The following SRCIN1 variants were observed in gnomAD, a reference collection of about 807,000 sequenced individuals.
The protein encoded by SRCIN1 is P130Cas-associated protein.
Under a neutral mutation model 116.2 loss-of-function variants are expected in SRCIN1, and 50 were observed. The ratio of observed to expected loss-of-function variants is 0.43; its 90% CI spans 0.34 to 0.54. The LOEUF (loss-of-function observed/expected upper bound fraction) is 0.54. Among genes scored for constraint, SRCIN1 ranks in the 20% least tolerant of loss-of-function variants. The probability of loss-of-function intolerance (pLI) is 0.02; values close to 1 mark genes in which losing one functional copy is unlikely to be tolerated. For missense variants in SRCIN1, 1,446 were observed against 1,672.0 expected (o/e 0.86, Z 2.36); for synonymous variants, 736 against 750.0 (o/e 0.98, Z 0.30).
At position 38,552,015 on chromosome 17, in the gene SRCIN1, G is replaced by T. The variant is rs1363225929; in HGVS notation, c.2598C>A (p.Ser866Arg). The stretch of plus-strand genomic sequence containing the variant: ...TCAGCTCATGCAGGTTCAGCGGGGG[G>T]CTGGGGGGTGGCATTTCGAAGTCCA... Reference protein sequence around the residue: ...KSVDFEMPPPSPPLNLHELSG... With the variant: ...KSVDFEMPPPRPPLNLHELSG... The change falls in exon 14 of 19, where the codon AGC (serine) becomes AGA (arginine). Residue 866 changes from serine to arginine, a missense_variant. Physicochemically the swap from Ser to Arg is moderately radical, Grantham distance 110 (BLOSUM62 -1). Transcript: ENST00000617146. This position sits in a 1 kb window ranked among gnomAD's most constrained non-coding sequence, Gnocchi z 5.3. 6.2e-7 allele frequency: 1 copy of T among 1,613,830 alleles called. No homozygotes were observed. The highest frequency in any genetic ancestry group is 1.3e-5 in the African/African-American group (1 of 74,946).
chr17:38,552,923 G>T lies in SRCIN1; in HGVS notation c.2202-68C>A. 6.4e-7 allele frequency: 1 copy of T among 1,553,476 alleles called. No individual in the cohort carries two copies. Among genetic ancestry groups the T allele is most frequent in the South Asian group, 1.2e-5 (1 of 81,904 alleles). On this transcript the variant is annotated intron_variant, in intron 11 of 18. Transcript: ENST00000617146. This position sits in a 1 kb window ranked among gnomAD's most constrained non-coding sequence, Gnocchi z 5.3. ...TGCCAGCCCAGCCCCCTGAAATTGG[G>T]CAACTGGAAAGAAATCAGGCCACCA... is the stretch of plus-strand genomic sequence containing the variant.
chr17:38,599,975 G>T (rs1043371415), intron 1 of SRCIN1, among the ~76,000 whole-genome samples: 1 of 152,168 alleles, frequency 6.6e-6, no homozygotes, highest in Non-Finnish European at 1.5e-5. Flanking sequence ...CCTCATAATT[G>T]ATTGTTTATT....
chr17:38,530,537 CG>C lies in SRCIN1; in HGVS notation c.*2759del. 1 of 152,664 alleles carries C rather than the reference CG, an allele frequency of 6.6e-6. No individual in the cohort carries two copies. The highest frequency in any genetic ancestry group is 1.5e-5 in the Non-Finnish European group (1 of 68,368). The allele number at this position is 152,664 out of a possible 1,614,324, so 9.5% of individuals were successfully genotyped here. ...GTGCTGCAGGCTGTGAGAGGGCCAG[CG>C]GGGACGGGGGCTCAGGAAGGGATCT... is the stretch of plus-strand genomic sequence containing the variant. On this transcript the variant is annotated 3_prime_UTR_variant, in exon 19 of 19. Coordinates refer to ENST00000617146, the MANE Select transcript of SRCIN1 (RefSeq NM_025248.3).
chr17:38,593,677 T>C (rs1324400790), intron 1 of SRCIN1, among the ~76,000 whole-genome samples: 1 of 152,182 alleles, frequency 6.6e-6, no homozygotes, highest in Non-Finnish European at 1.5e-5. Flanking sequence ...CAATAAATAC[T>C]GGCCATCAGT....
chr17:38,589,866 T>A lies in SRCIN1; in HGVS notation c.23-11075A>T, dbSNP rs1489705595. ...TCTCTCCCTAGGGACACCCTGTTAG[T>A]ATCCCGAGAGACTCTGGAGGATGGG... On this transcript the variant is annotated intron_variant, in intron 1 of 18. Transcript: ENST00000617146. 3.9e-5 allele frequency among the ~76,000 whole-genome samples: 6 copies of A among 152,286 alleles called. No homozygotes were observed. In the East Asian group the frequency reaches 1.2e-3, roughly 29 times the overall value.
chr17:38,570,903 A>T (rs529465593), intron 2 of SRCIN1, among the ~76,000 whole-genome samples: 235 of 152,348 alleles, frequency 1.5e-3, no homozygotes, highest in African/African-American at 5.2e-3. Context: ...GATGCATGAG[A>T]GATGTTGAGA....
chr17:38,586,281 TCC>T (rs1420221341), intron 1 of SRCIN1, among the ~76,000 whole-genome samples: 3 of 151,958 alleles, frequency 2.0e-5, no homozygotes, highest in African/African-American at 7.3e-5. Flanking sequence ...ATCGAGGCCA[TCC>T]CCCCAGCGTG....
chr17:38,575,008 G>C (rs1299921423), intron 2 of SRCIN1: 1 of 400,638 alleles, frequency 2.5e-6, no homozygotes, highest in African/African-American at 2.1e-5. Flanking sequence ...CCCCATTAGG[G>C]GAAGCGGGCA....
intron 16 of SRCIN1, 80 bp downstream of exon 16, chr17:38,548,976 C>A: frequency 6.7e-7 from 1 of 1,494,782 alleles, no homozygotes; most frequent in Non-Finnish European, 9.0e-7. Flanking sequence ...CTCTTTCCCA[C>A]CCCAGAGGGC....
intron 1 of SRCIN1, among the ~76,000 whole-genome samples, chr17:38,595,496 G>A (rs1029746766): frequency 1.3e-5 from 2 of 152,310 alleles, no homozygotes; most frequent in East Asian, 1.9e-4. Context: ...GATTACAGGC[G>A]TGAGCCACCG....
intron 9 of SRCIN1, 38 bp downstream of exon 9, chr17:38,560,016 G>A (rs778261229): frequency 4.6e-6 from 7 of 1,505,402 alleles, no homozygotes; most frequent in African/African-American, 4.1e-5. Flanking sequence ...AAACAGGCTC[G>A]GAGAGAACAA....
chr17:38,550,512 A>C lies in SRCIN1; in HGVS notation c.2962+643T>G, dbSNP rs188007887. On this transcript the variant is annotated intron_variant, in intron 15 of 18. Coordinates refer to ENST00000617146, the MANE Select transcript of SRCIN1 (RefSeq NM_025248.3). ...CCGTCTCAAAAACAATAAATAAATA[A>C]AAAATAAAAATAAAATTATAAGGAT... Among the ~76,000 whole-genome samples the C allele has an allele frequency of 8.5e-5, 13 of 152,102 alleles. 1 individual carries two copies. The East Asian group carries it at 2.3e-3, about 27-fold the overall frequency.
rs1909223635 is a variant in SRCIN1, at chr17:38,604,196, C to T, written c.22+1488G>A. Among the ~76,000 whole-genome samples, 1 of 152,108 alleles carries T rather than the reference C, an allele frequency of 6.6e-6. No individual in the cohort carries two copies. ...GGGAAGAAGGTATCCTGACGACCCC[C>T]CAAAAGTGCTCAAACCCCACCCAAA... On this transcript the variant is annotated intron_variant, in intron 1 of 18. Coordinates refer to ENST00000617146, the MANE Select transcript of SRCIN1 (RefSeq NM_025248.3). This position sits in a 1 kb window ranked among gnomAD's most constrained non-coding sequence, Gnocchi z 4.3.
chr17:38,533,171 C>T lies in SRCIN1; in HGVS notation c.*126G>A, dbSNP rs1245097507. The T allele has an allele frequency of 1.6e-6, 2 of 1,235,732 alleles. No individual in the cohort carries two copies. The highest frequency in any genetic ancestry group is 2.1e-6 in the Non-Finnish European group (2 of 940,964). 76.5% of individuals were successfully genotyped at this position (1,235,732 alleles called of 1,614,324 possible). ...GGTCGCTGAGGAGGGCCGCACCCTCCTCTTCAGGGCACACCCCTCAGGGCG... is the reference window on the plus strand; with the variant it reads ...GGTCGCTGAGGAGGGCCGCACCCTCTTCTTCAGGGCACACCCCTCAGGGCG... On this transcript the variant is annotated 3_prime_UTR_variant, in exon 19 of 19. Coordinates refer to ENST00000617146, the MANE Select transcript of SRCIN1 (RefSeq NM_025248.3).
chr17:38,569,972 C>G (rs7224688), intron 2 of SRCIN1, among the ~76,000 whole-genome samples: 2 of 152,082 alleles, frequency 1.3e-5, no homozygotes, highest in African/African-American at 4.8e-5. Context: ...GGTGATGGAC[C>G]GCTCTGCAGA....
intron 2 of SRCIN1, among the ~76,000 whole-genome samples, 197 bp downstream of exon 2, chr17:38,578,293 T>C (rs1567875787): frequency 1.3e-5 from 2 of 151,962 alleles, no homozygotes; most frequent in Non-Finnish European, 2.9e-5. Flanking sequence ...ACCCCCTTCC[T>C]CCCCAGGCTC....
At position 38,552,421 on chromosome 17, in the gene SRCIN1, A is replaced by G. The variant is rs1403375199; in HGVS notation, c.2480+26T>C. 6.3e-7 allele frequency: 1 copy of G among 1,587,390 alleles called. No homozygotes were observed. The highest frequency in any genetic ancestry group is 1.8e-5 in the Admixed American group (1 of 54,826). ...TGGGCCCGGTGTGTGAACCCATGGG[A>G]AATCAGAGGTCAGGGACAGAATGAC... On this transcript the variant is annotated intron_variant, in intron 13 of 18. Transcript: ENST00000617146. The surrounding 1 kb of genome is among the most constrained non-coding windows in gnomAD (Gnocchi z 5.3).
At chr17:38,584,404 A>G (rs1907997263) in intron 1 of SRCIN1, among the ~76,000 whole-genome samples, 1 of 152,212 alleles carries the variant, frequency 6.6e-6, no homozygotes, top group African/African-American at 2.4e-5. Flanking sequence ...GAAATCCAGA[A>G]TCCGAATGAG....
chr17:38,535,258 G>T (rs2040985248), intron 18 of SRCIN1, among the ~76,000 whole-genome samples: 1 of 144,738 alleles, frequency 6.9e-6, no homozygotes. Flanking sequence ...GTCCAGGCTG[G>T]AGTACAATGG....
Sources: allele counts gnomAD v4.1 joint callset (sites outside exome capture counted in the v4.1 genomes callset), GRCh38; gene constraint gnomAD v4.1.1; non-coding constraint Gnocchi (gnomAD v3.1); transcripts MANE v1.5; gene names NCBI Gene and HGNC (gene_info 2026-07-23, HGNC 2026-07-21).